The following DDX10 variants were observed in gnomAD, a reference collection of about 807,000 sequenced individuals.
DDX10 encodes DEAD-box helicase 10, also known as probable ATP-dependent RNA helicase DDX10.
Under a neutral mutation model 104.3 loss-of-function variants are expected in DDX10, and 74 were observed. The observed-to-expected ratio is 0.71, with a 90% CI of 0.59 to 0.86. The LOEUF (loss-of-function observed/expected upper bound fraction) is 0.86. Ranked by LOEUF, DDX10 falls within the 40% of genes least tolerant of loss-of-function variation. The pLI, the probability that DDX10 is intolerant of heterozygous loss-of-function variation, is 0.00. For synonymous variants in DDX10, 351 were observed against 353.4 expected (o/e 0.99, Z 0.08); for missense variants, 952 against 1,040.0 (o/e 0.92, Z 1.16).
intron 13 of DDX10, among the ~76,000 whole-genome samples, chr11:108,777,770 G>A (rs2134534692): frequency 6.6e-6 from 1 of 152,334 alleles, no homozygotes; most frequent in Middle Eastern, 3.4e-3. Flanking sequence ...GTTTGCGGAT[G>A]ACATGATTGT....
At chr11:108,780,865 T>C (rs1010655394) in intron 13 of DDX10, among the ~76,000 whole-genome samples, 9 of 152,214 alleles carry the variant, frequency 5.9e-5, no homozygotes, top group Non-Finnish European at 1.3e-4. Context: ...TGGTGACAGC[T>C]GATTCACTTA....
chr11:108,705,415 T>A (rs1276720189), intron 9 of DDX10, among the ~76,000 whole-genome samples: 1 of 152,222 alleles, frequency 6.6e-6, no homozygotes, highest in Non-Finnish European at 1.5e-5. Context: ...ATGACATGTT[T>A]TTGTTTTTCT....
intron 9 of DDX10, among the ~76,000 whole-genome samples, chr11:108,694,502 C>A (rs950599491): frequency 2.0e-5 from 3 of 152,158 alleles, no homozygotes; most frequent in African/African-American, 4.8e-5. Context: ...GAAGACCACT[C>A]CCTATCTCTC....
chr11:108,754,258 T>A (rs773001427), intron 13 of DDX10, among the ~76,000 whole-genome samples: 1 of 152,082 alleles, frequency 6.6e-6, no homozygotes, highest in Non-Finnish European at 1.5e-5. Flanking sequence ...AATATGAGCT[T>A]CGCTTGCCCT....
At chr11:108,740,651 A>AT (rs144890518) in intron 13 of DDX10, among the ~76,000 whole-genome samples, 1,775 of 150,978 alleles carry the variant, frequency 0.012, 40 homozygotes, top group African/African-American at 0.041. Flanking sequence ...AGTGTCTGTT[A>AT]TTTTTTTTTA....
At chr11:108,717,283 G>T (rs2094292691) in intron 11 of DDX10, among the ~76,000 whole-genome samples, 1 of 152,212 alleles carries the variant, frequency 6.6e-6, no homozygotes, top group South Asian at 2.1e-4. Flanking sequence ...TTTTGAAACT[G>T]TTATTCCTGG....
rs148987656 is a variant in DDX10 at position 108,846,156 on chromosome 11, G to T, written c.2247+4680G>T. The stretch of plus-strand genomic sequence containing the variant: ...TATCTTTAATTGACACATAATAATT[G>T]TATGTATGGGGTACAATGAGATATG... On this transcript the variant is annotated intron_variant, in intron 15 of 17. Transcript: ENST00000322536. 1.2e-3 allele frequency among the ~76,000 whole-genome samples: 184 copies of T among 152,056 alleles called. 2 individuals are homozygous for T. The highest frequency in any genetic ancestry group is 3.7e-3 in the Admixed American group (57 of 15,272).
intron 16 of DDX10, among the ~76,000 whole-genome samples, chr11:108,891,610 G>A (rs1334499878): frequency 2.0e-5 from 3 of 152,244 alleles, no homozygotes; most frequent in African/African-American, 7.2e-5. Context: ...TTGCCTCAAA[G>A]TATAATTGTA....
intron 16 of DDX10, among the ~76,000 whole-genome samples, chr11:108,912,901 A>G (rs974136578): frequency 2.0e-5 from 3 of 152,198 alleles, no homozygotes; most frequent in African/African-American, 7.2e-5. Flanking sequence ...CAGAGACTCA[A>G]AAGAATGCAA....
intron 17 of DDX10, among the ~76,000 whole-genome samples, chr11:108,922,950 C>G (rs1863853991): frequency 6.6e-6 from 1 of 152,170 alleles, no homozygotes; most frequent in Non-Finnish European, 1.5e-5. Flanking sequence ...AGGATCTAGG[C>G]TTTCATGTGC....
chr11:108,793,026 G>C (rs2615718), intron 13 of DDX10, among the ~76,000 whole-genome samples: 18,712 of 152,114 alleles, frequency 0.12, 1,563 homozygotes, highest in East Asian at 0.27. Flanking sequence ...TCTAGAAATC[G>C]ATGACCTGAT....
chr11:108,698,084 A>G (rs2094262425), intron 9 of DDX10, among the ~76,000 whole-genome samples: 1 of 152,200 alleles, frequency 6.6e-6, no homozygotes, highest in Admixed American at 6.5e-5. Context: ...AAACCTTAGC[A>G]TTGCACACTC....
At chr11:108,774,400 TC>T (rs2094367174) in intron 13 of DDX10, among the ~76,000 whole-genome samples, 5 of 152,354 alleles carry the variant, frequency 3.3e-5, no homozygotes, top group African/African-American at 9.6e-5. Flanking sequence ...TATCTTTTTG[TC>T]CTTGGAGGCT....
At chr11:108,915,559 T>A (rs911140422) in intron 16 of DDX10, among the ~76,000 whole-genome samples, 3 of 152,102 alleles carry the variant, frequency 2.0e-5, no homozygotes, top group Non-Finnish European at 4.4e-5. Flanking sequence ...GCATAATCTA[T>A]GTAATTCAGT....
At chr11:108,699,375 A>G (rs2094264301) in intron 9 of DDX10, among the ~76,000 whole-genome samples, 2 of 152,114 alleles carry the variant, frequency 1.3e-5, no homozygotes, top group Non-Finnish European at 2.9e-5. Context: ...AGTCTATCAC[A>G]AGGCTGTAAT....
At chr11:108,885,132 T>A (rs2553763) in intron 16 of DDX10, among the ~76,000 whole-genome samples, 2,446 of 152,274 alleles carry the variant, frequency 0.016, 99 homozygotes, top group East Asian at 0.14. Context: ...TTGTTGTTGT[T>A]GGTTTCATTT....
chr11:108,864,262 G>A (rs1862977584), intron 16 of DDX10, among the ~76,000 whole-genome samples: 2 of 152,064 alleles, frequency 1.3e-5, no homozygotes, highest in East Asian at 1.9e-4. Flanking sequence ...GTCTCAAAAT[G>A]CCCATATCTA....
At chr11:108,813,867 T>C (rs1351474776) in intron 13 of DDX10, among the ~76,000 whole-genome samples, 2 of 152,198 alleles carry the variant, frequency 1.3e-5, no homozygotes, top group Non-Finnish European at 2.9e-5. Flanking sequence ...GAAAACCTTA[T>C]GTATTTTGGG....
At chr11:108,822,324 G>T in intron 13 of DDX10, 1 of 331,410 alleles carries the variant, frequency 3.0e-6, no homozygotes, top group Non-Finnish European at 5.9e-6. Context: ...ATAAGGCAGT[G>T]GCCAGTTATT....
Sources: allele counts gnomAD v4.1 joint callset (sites outside exome capture counted in the v4.1 genomes callset), GRCh38; gene constraint gnomAD v4.1.1; transcripts MANE v1.5; gene names NCBI Gene and HGNC (gene_info 2026-07-23, HGNC 2026-07-21).